The following CFAP54 variants were observed in gnomAD, a reference collection of about 807,000 sequenced individuals.
The protein encoded by CFAP54 is cilia- and flagella-associated protein 54.
Under a neutral mutation model 370.4 loss-of-function variants are expected in CFAP54, and 290 were observed. The observed-to-expected ratio is 0.78, with a 90% CI of 0.71 to 0.86. The LOEUF (loss-of-function observed/expected upper bound fraction) is 0.86, where lower values mean the gene tolerates loss of function less well. Among genes scored for constraint, CFAP54 ranks in the 40% least tolerant of loss-of-function variants. The pLI, the probability that CFAP54 is intolerant of heterozygous loss-of-function variation, is 0.00. For synonymous variants in CFAP54, 1,206 were observed against 1,236.5 expected (o/e 0.98, Z 0.52); for missense variants, 3,399 against 3,528.7 (o/e 0.96, Z 0.93).
At chr12:96,596,062 T>G (rs1032433796) in intron 25 of CFAP54, among the ~76,000 whole-genome samples, 3 of 152,174 alleles carry the variant, frequency 2.0e-5, no homozygotes, top group Non-Finnish European at 2.9e-5. Context: ...CACATAAAAT[T>G]ATGTCAGAAG....
At chr12:96,697,026 T>G (rs1592713376) in intron 45 of CFAP54, among the ~76,000 whole-genome samples, 1 of 152,234 alleles carries the variant, frequency 6.6e-6, no homozygotes, top group African/African-American at 2.4e-5. Flanking sequence ...CTGGCCTGGC[T>G]TCACTTTAGA....
chr12:96,620,970 G>A (rs1956480533), intron 26 of CFAP54, among the ~76,000 whole-genome samples: 1 of 152,202 alleles, frequency 6.6e-6, no homozygotes, highest in South Asian at 2.1e-4. Context: ...CTTTAGAAAG[G>A]TAGGTAAGGG....
chr12:96,760,898 G>A (rs1958328960), intron 58 of CFAP54, among the ~76,000 whole-genome samples: 1 of 151,866 alleles, frequency 6.6e-6, no homozygotes. Context: ...TCACTTTTTG[G>A]CTGTTTTGAT....
chr12:96,732,182 G>C (rs2136628855), intron 50 of CFAP54, among the ~76,000 whole-genome samples: 1 of 152,240 alleles, frequency 6.6e-6, no homozygotes, highest in East Asian at 1.9e-4. Context: ...CTGGAGTGCA[G>C]TAGCAGGATC....
intron 1 of CFAP54, among the ~76,000 whole-genome samples, chr12:96,492,763 C>T (rs1416279765): frequency 1.3e-5 from 2 of 152,204 alleles, no homozygotes; most frequent in Non-Finnish European, 2.9e-5. Context: ...GAGGCTGAGG[C>T]AGGCAGATCA....
chr12:96,783,660 G>A (rs1958601236), intron 60 of CFAP54, among the ~76,000 whole-genome samples: 1 of 152,338 alleles, frequency 6.6e-6, no homozygotes, highest in Non-Finnish European at 1.5e-5. Flanking sequence ...GCCGAGGCAG[G>A]TGAATCACCT....
chr12:96,599,063 G>T (rs1956210886), intron 26 of CFAP54, among the ~76,000 whole-genome samples: 1 of 151,958 alleles, frequency 6.6e-6, no homozygotes, highest in East Asian at 1.9e-4. Context: ...CAACGTGCAG[G>T]TTTGTTACAT....
intron 32 of CFAP54, among the ~76,000 whole-genome samples, chr12:96,634,682 CT>C (rs1359107768): frequency 6.6e-6 from 1 of 151,960 alleles, no homozygotes; most frequent in Non-Finnish European, 1.5e-5. Context: ...ATCGTAGGTC[CT>C]TTTTTTCCCC....
intron 6 of CFAP54, among the ~76,000 whole-genome samples, chr12:96,520,682 T>C (rs1955298613): frequency 6.6e-6 from 1 of 152,322 alleles, no homozygotes; most frequent in Admixed American, 6.5e-5. Flanking sequence ...CACCCCTTCC[T>C]TTGGGCCAAC....
intron 67 of CFAP54, among the ~76,000 whole-genome samples, chr12:96,865,755 A>G (rs900034593): frequency 6.6e-6 from 1 of 152,278 alleles, no homozygotes; most frequent in Non-Finnish European, 1.5e-5. Context: ...GTAAATAACT[A>G]ATAAATTGAA....
intron 60 of CFAP54, among the ~76,000 whole-genome samples, chr12:96,765,849 T>C (rs1263765511): frequency 6.6e-6 from 1 of 152,262 alleles, no homozygotes; most frequent in Non-Finnish European, 1.5e-5. Context: ...AACTATAATA[T>C]AAACCTCTAT....
Position 96,522,157 on chromosome 12 carries a change from A to G in CFAP54, c.1126A>G (p.Lys376Glu). The G allele has an allele frequency of 6.5e-7, 1 of 1,535,040 alleles. No individual in the cohort carries two copies. The highest frequency in any genetic ancestry group is 8.7e-7 in the Non-Finnish European group (1 of 1,146,464). ...RRKNKAVFRP[K>E]IRINLREVQT... ...AAAAAACAAAGCTGTCTTTAGACCT[A>G]AGATAAGAATTAACCTAAGGGAAGT... is the stretch of plus-strand genomic sequence containing the variant. The change falls in exon 8 of 68, where the codon AAG becomes GAG. Residue 376 changes from lysine to glutamate, a missense_variant. By Grantham distance (56) the Lys-to-Glu change is moderately conservative. Around this residue, in one of 3 missense-constraint regions of CFAP54, gnomAD observed 559 missense variants for 576.7 expected, o/e 0.97. Transcript: ENST00000524981.
At position 96,828,058 on chromosome 12, in the gene CFAP54, T is replaced by TA. The variant is rs1565994653; in HGVS notation, c.9097-956_9097-955insA. Among the ~76,000 whole-genome samples the TA allele has an allele frequency of 3.2e-3, 409 of 128,266 alleles. 3 individuals are homozygous for TA. Among genetic ancestry groups the TA allele is most frequent in the African/African-American group, 0.012 (390 of 33,452 alleles). The allele number at this position is 128,266 out of a possible 152,430, so 84.1% of individuals were successfully genotyped here. A position where few individuals can be genotyped will look rare whatever the true frequency, so the allele number is the denominator to read the frequency against. ...TAATATATAATTATATATTAATATA[T>TA]TATTAATATATAATTATATATTATA... is the stretch of plus-strand genomic sequence containing the variant. On this transcript the variant is annotated intron_variant, in intron 65 of 67. Coordinates refer to ENST00000524981, the MANE Select transcript of CFAP54 (RefSeq NM_001306084.2).
At chr12:96,668,262 T>C (rs1957103502) in intron 39 of CFAP54, among the ~76,000 whole-genome samples, 1 of 152,212 alleles carries the variant, frequency 6.6e-6, no homozygotes, top group African/African-American at 2.4e-5. Flanking sequence ...GATTTCACAT[T>C]TTCAGGTATC....
At chr12:96,650,713 C>A (rs1336018412) in intron 35 of CFAP54, among the ~76,000 whole-genome samples, 5 of 152,116 alleles carry the variant, frequency 3.3e-5, no homozygotes, top group Non-Finnish European at 5.9e-5. Flanking sequence ...AGAAATCTAT[C>A]CTTTCTAGAT....
intron 5 of CFAP54, among the ~76,000 whole-genome samples, chr12:96,515,912 GTTTTT>G (rs71437221): frequency 3.9e-4 from 42 of 108,254 alleles, no homozygotes; most frequent in East Asian, 1.7e-3. Context: ...TTACCTCTAT[GTTTTT>G]TTTTTTTTTT....
intron 17 of CFAP54, among the ~76,000 whole-genome samples, chr12:96,562,807 T>C (rs1408273240): frequency 6.6e-6 from 1 of 152,190 alleles, no homozygotes; most frequent in Non-Finnish European, 1.5e-5. Flanking sequence ...TTACATTTTA[T>C]TTTAAACATT....
Position 96,549,914 on chromosome 12 carries a change from A to G in CFAP54, c.2154+1936A>G, listed in dbSNP as rs186588302. 3.1e-4 allele frequency among the ~76,000 whole-genome samples: 47 copies of G among 152,366 alleles called. No homozygotes were observed. In the East Asian group the frequency reaches 8.3e-3, roughly 27 times the overall value. On this transcript the variant is annotated intron_variant, in intron 15 of 67. Coordinates refer to ENST00000524981, the MANE Select transcript of CFAP54 (RefSeq NM_001306084.2). ...GAATTCGCAATTCATAAGTTCACCC[A>G]GCAGAGTCTGTAGGTGGGATAAATT... is the stretch of plus-strand genomic sequence containing the variant.
chr12:96,610,694 C>T (rs908299132), intron 26 of CFAP54, among the ~76,000 whole-genome samples: 3 of 152,210 alleles, frequency 2.0e-5, no homozygotes, highest in African/African-American at 7.2e-5. Context: ...CACCCTAATA[C>T]TGTGCTTTTC....
Sources: allele counts gnomAD v4.1 joint callset (sites outside exome capture counted in the v4.1 genomes callset), GRCh38; gene constraint gnomAD v4.1.1; regional missense constraint gnomAD v4.1.1; transcripts MANE v1.5; gene names NCBI Gene and HGNC (gene_info 2026-07-23, HGNC 2026-07-21).